ZNF141: variants seen among roughly 807,000 people sequenced by gnomAD.
ZNF141 encodes the protein zinc finger protein 141.
ZNF141 carries 7 observed loss-of-function variants against 11.3 expected under a neutral mutation model. The observed-to-expected ratio is 0.62, with a 90% CI of 0.35 to 1.16. The LOEUF (loss-of-function observed/expected upper bound fraction) is 1.16, where lower values mean the gene tolerates loss of function less well. Among genes scored for constraint, ZNF141 ranks in the 50% most tolerant of loss-of-function variants. The pLI, the probability that ZNF141 is intolerant of heterozygous loss-of-function variation, is 0.02. For missense variants in ZNF141, 535 were observed against 554.0 expected, an observed-to-expected ratio of 0.97 and a Z score of 0.34; for synonymous variants, 183 against 190.7, an observed-to-expected ratio of 0.96 and a Z score of 0.33.
At chr4:342,999 A>C (rs1392141960) in intron 1 of ZNF141, 1 of 880,906 alleles carries the variant, frequency 1.1e-6, no homozygotes, top group Non-Finnish European at 1.6e-6. Flanking sequence ...GTGGTTAAAA[A>C]AGTATTAAAA....
chr4:375,882 C>A lies in ZNF141; in HGVS notation c.*2020C>A, dbSNP rs188378544. Among the ~76,000 whole-genome samples the A allele has an allele frequency of 6.6e-6, 1 of 151,960 alleles. No homozygotes were observed. Among genetic ancestry groups the A allele is most frequent in the African/African-American group, 2.4e-5 (1 of 41,498 alleles). ...AAGAGTGAGGACAGAAATGAAAGAT[C>A]CATGATGAAAATCTAGCAGAGAGGC... On this transcript the variant is annotated 3_prime_UTR_variant, in exon 4 of 4. Coordinates refer to ENST00000240499, the MANE Select transcript of ZNF141 (RefSeq NM_003441.4).
intron 1 of ZNF141, chr4:338,521 T>A (rs537753678): frequency 4.4e-5 from 7 of 159,388 alleles, no homozygotes; most frequent in African/African-American, 1.7e-4. Flanking sequence ...CCCACCAGTC[T>A]CCTTGCCCTG....
In ZNF141 at chr4:370,049, G is replaced by C. The variant is rs147315568; in HGVS notation, c.227-2615G>C. Among the ~76,000 whole-genome samples, 1,190 of 151,904 alleles carry C rather than the reference G, an allele frequency of 7.8e-3. 16 individuals are homozygous for C. Among genetic ancestry groups the C allele is most frequent in the African/African-American group, 0.027 (1,133 of 41,406 alleles). On this transcript the variant is annotated intron_variant, in intron 3 of 3. Transcript: ENST00000240499. ...CAAAGTGCTGGGATCACAGGCATGA[G>C]CCACTGGGCCTGGCCAAAATAATAT...
At position 347,409 on chromosome 4, in the gene ZNF141, G is replaced by T. The variant is rs1222375048; in HGVS notation, c.226+2979G>T. 1.7e-4 allele frequency among the ~76,000 whole-genome samples: 25 copies of T among 146,848 alleles called. 1 individual carries two copies. Among genetic ancestry groups the T allele is most frequent in the Admixed American group, 1.6e-3 (23 of 14,404 alleles). ...GGCTGGAGTACAGTGGCAGGATCTC[G>T]GCTCACTGCAAGCTCCGCCTCCTGG... On this transcript the variant is annotated intron_variant, in intron 3 of 3. Transcript: ENST00000240499.
At chr4:367,519 C>CTTTTTT (rs782804343) in intron 3 of ZNF141, among the ~76,000 whole-genome samples, 1 of 141,006 alleles carries the variant, frequency 7.1e-6, no homozygotes, top group Non-Finnish European at 1.5e-5. Context: ...ACTTTACAAT[C>CTTTTTT]TTTTTTTTTT....
intron 3 of ZNF141, among the ~76,000 whole-genome samples, chr4:361,695 A>G (rs1711509097): frequency 2.0e-5 from 3 of 152,202 alleles, no homozygotes; most frequent in Admixed American, 2.0e-4. Context: ...TGTCCCTACA[A>G]AGGACAAGAA....
chr4:371,475 C>T (rs1361077961), intron 3 of ZNF141, among the ~76,000 whole-genome samples: 4 of 151,932 alleles, frequency 2.6e-5, no homozygotes, highest in Non-Finnish European at 1.5e-5. Context: ...CGTGATCTGC[C>T]CTCCTCGGCC....
rs1440952353 is a variant in ZNF141 at position 369,762 on chromosome 4, A to ATTTTTTT, written c.227-2901_227-2900insTTTTTTT. Among the ~76,000 whole-genome samples, 23 of 33,504 alleles carry ATTTTTTT rather than the reference A, an allele frequency of 6.9e-4. 1 individual carries two copies. The highest frequency in any genetic ancestry group is 4.3e-3 in the African/African-American group (23 of 5,330). 22.0% of individuals were successfully genotyped at this position (33,504 alleles called of 152,430 possible). On this transcript the variant is annotated intron_variant, in intron 3 of 3. Transcript: ENST00000240499. ...GATATATATATATATATATATATAT[A>ATTTTTTT]TATTTTTTTTTTTTTTTTTTTTGAG...
intron 3 of ZNF141, among the ~76,000 whole-genome samples, chr4:350,483 G>T (rs1003782736): frequency 6.6e-6 from 1 of 152,174 alleles, no homozygotes; most frequent in Admixed American, 6.5e-5. Context: ...ATTTCATTGC[G>T]TGTATAAGCC....
At chr4:351,566 T>TGTAA (rs1190619446) in intron 3 of ZNF141, among the ~76,000 whole-genome samples, 4 of 152,334 alleles carry the variant, frequency 2.6e-5, no homozygotes, top group African/African-American at 9.6e-5. Context: ...AAGTATAAAA[T>TGTAA]GTAAGTGCCT....
chr4:357,477 GT>G (rs1177238782), intron 3 of ZNF141, among the ~76,000 whole-genome samples: 2 of 150,592 alleles, frequency 1.3e-5, no homozygotes, highest in Non-Finnish European at 2.9e-5. Flanking sequence ...TAATTATAAT[GT>G]GTCCTGAGCA....
rs782154456 is a variant in ZNF141 at position 373,153 on chromosome 4, C to T, written c.716C>T (p.Ser239Phe). The T allele has an allele frequency of 6.2e-7, 1 of 1,613,744 alleles. No homozygotes were observed. Among genetic ancestry groups the T allele is most frequent in the African/African-American group, 1.3e-5 (1 of 74,840 alleles). Residue 239 changes from serine to phenylalanine, a missense_variant, in exon 4 of 4, where the codon TCC (serine) becomes TTC (phenylalanine). Coordinates refer to ENST00000240499, the MANE Select transcript of ZNF141 (RefSeq NM_003441.4). ...CEECGSIFTT[S>F]SHFAKHKIIH... is the part of the protein sequence containing the mutation. ...GAATGTGGCAGCATCTTTACCACAT[C>T]CTCACACTTTGCTAAGCATAAAATA... is the stretch of plus-strand genomic sequence containing the variant.
Position 379,756 on chromosome 4 carries a change from T to C in ZNF141, c.*5894T>C, listed in dbSNP as rs1240890585. Among the ~76,000 whole-genome samples the C allele has an allele frequency of 2.0e-5, 3 of 152,218 alleles. No homozygotes were observed. Among genetic ancestry groups the C allele is most frequent in the Non-Finnish European group, 4.4e-5 (3 of 68,042 alleles). On this transcript the variant is annotated 3_prime_UTR_variant, in exon 4 of 4. Coordinates refer to ENST00000240499, the MANE Select transcript of ZNF141 (RefSeq NM_003441.4). The stretch of plus-strand genomic sequence containing the variant: ...AGTTGTTTGACAAAGATACTCATCA[T>C]TTGCAACATTATTCTGTAATTTTTA...
In ZNF141 at chr4:374,723, TA is replaced by T. The variant is rs1328507486; in HGVS notation, c.*862del. ...AAGATGTGACAAAACCTTTAAGCCA[TA>T]CTCCAGGCTTCTTAAACATAATGAG... On this transcript the variant is annotated 3_prime_UTR_variant, in exon 4 of 4. Coordinates refer to ENST00000240499, the MANE Select transcript of ZNF141 (RefSeq NM_003441.4). 6.5e-6 allele frequency: 1 copy of T among 153,562 alleles called. No individual in the cohort carries two copies. Among genetic ancestry groups the T allele is most frequent in the African/African-American group, 2.4e-5 (1 of 41,436 alleles). The allele number at this position is 153,562 out of a possible 1,614,324, so 9.5% of individuals were successfully genotyped here.
At chr4:366,050 G>A (rs1289270998) in intron 3 of ZNF141, among the ~76,000 whole-genome samples, 4 of 152,032 alleles carry the variant, frequency 2.6e-5, no homozygotes, top group Admixed American at 6.6e-5. Flanking sequence ...AGCATATTTC[G>A]GAGTCAGGTA....
intron 3 of ZNF141, among the ~76,000 whole-genome samples, chr4:369,733 A>AAT (rs1711930425): frequency 4.1e-5 from 1 of 24,542 alleles, no homozygotes; most frequent in African/African-American, 1.1e-4. Flanking sequence ...AAATTTCTTA[A>AAT]AGAGATATAT....
intron 3 of ZNF141, among the ~76,000 whole-genome samples, chr4:363,310 A>G (rs1711574945): frequency 6.6e-6 from 1 of 152,176 alleles, no homozygotes; most frequent in Non-Finnish European, 1.5e-5. Flanking sequence ...CAATCATGTC[A>G]TCTGCAAACA....
chr4:344,298 C>G (rs782154944), intron 2 of ZNF141, 37 bp from the exon 3 acceptor site: 33 of 1,553,438 alleles, frequency 2.1e-5, no homozygotes, highest in Non-Finnish European at 2.7e-5. Context: ...GAATCCCCAT[C>G]AATAGTCATG....
chr4:373,527 G>T lies in ZNF141; in HGVS notation c.1090G>T (p.Glu364Ter). The part of the protein sequence containing the change: ...LNEHKKVHTG[E>*]RPYKCDECGK... ...TGAACATAAGAAAGTTCATACTGGA[G>T]AGCGGCCCTACAAATGTGATGAATG... Residue 364 changes from glutamate (E) to a stop codon, truncating the protein, a stop_gained, in exon 4 of 4, where the codon GAG becomes TAG. Coordinates refer to ENST00000240499, the MANE Select transcript of ZNF141 (RefSeq NM_003441.4). LOFTEE classifies it low-confidence loss of function (END_TRUNC). 6.2e-7 allele frequency: 1 copy of T among 1,613,906 alleles called. No individual in the cohort carries two copies. The highest frequency in any genetic ancestry group is 8.5e-7 in the Non-Finnish European group (1 of 1,179,924).
Sources: allele counts gnomAD v4.1 joint callset (sites outside exome capture counted in the v4.1 genomes callset), GRCh38; gene constraint gnomAD v4.1.1; transcripts MANE v1.5; gene names NCBI Gene and HGNC (gene_info 2026-07-23, HGNC 2026-07-21).